Variants in TRPM6 observed in about 807,000 individuals in gnomAD.
The protein encoded by TRPM6 is transient receptor potential cation channel subfamily M member 6.
A neutral mutation model predicts 247.6 loss-of-function variants in TRPM6; 111 were observed. The ratio of observed to expected loss-of-function variants is 0.45; its 90% CI spans 0.38 to 0.52. The LOEUF (loss-of-function observed/expected upper bound fraction) is 0.52, where lower values mean the gene tolerates loss of function less well. Among genes scored for constraint, TRPM6 ranks in the 20% least tolerant of loss-of-function variants. The pLI, the probability that TRPM6 is intolerant of heterozygous loss-of-function variation, is 0.00. For missense variants in TRPM6, 2,126 were observed against 2,421.5 expected (o/e 0.88, Z 2.56); for synonymous variants, 892 against 853.8 (o/e 1.04, Z -0.78).
At chr9:74,756,681 CA>C (rs1217543421) in intron 27 of TRPM6, among the ~76,000 whole-genome samples, 1,739 of 51,698 alleles carry the variant, frequency 0.034, 30 homozygotes, top group African/African-American at 0.096. Context: ...CCCGTCTCTA[CA>C]AAAAAAAAAA....
intron 37 of TRPM6, among the ~76,000 whole-genome samples, chr9:74,732,063 T>C (rs549253474): frequency 1.6e-4 from 25 of 152,268 alleles, no homozygotes; most frequent in Non-Finnish European, 3.4e-4. Context: ...CCTGAGATCC[T>C]TTACTGCCAA....
chr9:74,826,736 C>CTTTTTTTTT (rs561369498), intron 7 of TRPM6: 3 of 52,074 alleles, frequency 5.8e-5, no homozygotes, highest in Non-Finnish European at 1.7e-4. Flanking sequence ...CTTTTTCTTT[C>CTTTTTTTTT]TTTTTTTTTT....
chr9:74,761,670 A>T lies in TRPM6; in HGVS notation c.4785+26T>A, dbSNP rs773785658. ...CCACTACCTTGACTGCTCAAAACCT[A>T]AAAGACAGAATAACAGTACACTTAC... On this transcript the variant is annotated intron_variant, in intron 27 of 38. Transcript: ENST00000360774. The T allele has an allele frequency of 4.4e-5, 65 of 1,466,664 alleles. No individual in the cohort carries two copies. The African/African-American group carries it at 7.2e-4, about 16-fold the overall frequency. The allele number at this position is 1,466,664 out of a possible 1,614,324, so 90.9% of individuals were successfully genotyped here.
At chr9:74,869,094 C>T (rs1299608920) in intron 1 of TRPM6, among the ~76,000 whole-genome samples, 1 of 152,032 alleles carries the variant, frequency 6.6e-6, no homozygotes, top group Non-Finnish European at 1.5e-5. Flanking sequence ...ATTTTGTCCA[C>T]GATGAACAAA....
chr9:74,732,816 T>C, intron 36 of TRPM6, 80 bp from the exon 37 acceptor site: 1 of 1,078,238 alleles, frequency 9.3e-7, no homozygotes, highest in Admixed American at 2.0e-5. Flanking sequence ...AATTAAATTC[T>C]AATTTCTTAA....
intron 2 of TRPM6, among the ~76,000 whole-genome samples, chr9:74,856,457 G>C (rs938668160): frequency 8.4e-5 from 10 of 118,578 alleles, no homozygotes; most frequent in Admixed American, 1.7e-4. Flanking sequence ...GTGTGTGTGT[G>C]TGTGTGTGTC....
At chr9:74,833,655 A>G (rs1829617436) in intron 6 of TRPM6, among the ~76,000 whole-genome samples, 1 of 152,254 alleles carries the variant, frequency 6.6e-6, no homozygotes, top group South Asian at 2.1e-4. Flanking sequence ...GCAATCATTC[A>G]GGCAACAGAT....
chr9:74,800,232 A>G (rs1240725502), intron 17 of TRPM6, 22 bp downstream of exon 17: 1 of 1,599,506 alleles, frequency 6.3e-7, no homozygotes, highest in Admixed American at 1.7e-5. Context: ...TAAACTCCAT[A>G]AGACAAGTAA....
intron 1 of TRPM6, among the ~76,000 whole-genome samples, chr9:74,870,736 C>T (rs931470882): frequency 6.6e-6 from 1 of 152,012 alleles, no homozygotes; most frequent in East Asian, 1.9e-4. Context: ...CAAGCCTGGC[C>T]AACATGGTGA....
intron 28 of TRPM6, among the ~76,000 whole-genome samples, chr9:74,754,315 A>C (rs1826364449): frequency 1.3e-5 from 2 of 152,206 alleles, no homozygotes; most frequent in Admixed American, 1.3e-4. Flanking sequence ...TCAGTGATTT[A>C]ACAGACAACT....
chr9:74,825,481 G>A (rs1456397316), intron 7 of TRPM6, among the ~76,000 whole-genome samples: 1 of 135,780 alleles, frequency 7.4e-6, no homozygotes, highest in Non-Finnish European at 1.6e-5. Flanking sequence ...GTGTGTGTGT[G>A]TGTATGTGTG....
In TRPM6 at chr9:74,797,869, A is replaced by G. The variant is rs182809758; in HGVS notation, c.2239-976T>C. On this transcript the variant is annotated intron_variant, in intron 17 of 38. Coordinates refer to ENST00000360774, the MANE Select transcript of TRPM6 (RefSeq NM_017662.5). ...CTATTACCACATAAAACACATTAAA[A>G]TTAGTTGATATTATAAAATCAAGAA... Among the ~76,000 whole-genome samples, 126 of 152,288 alleles carry G rather than the reference A, an allele frequency of 8.3e-4. 4 individuals carry two copies. The East Asian group carries it at 0.023, about 28-fold the overall frequency.
intron 27 of TRPM6, 99 bp downstream of exon 27, chr9:74,761,597 T>G: frequency 1.3e-6 from 1 of 786,372 alleles, no homozygotes; most frequent in Non-Finnish European, 2.3e-6. Flanking sequence ...ACAATGTTAT[T>G]TTGTGTAGAT....
intron 6 of TRPM6, among the ~76,000 whole-genome samples, chr9:74,832,183 A>T (rs1187934777): frequency 6.6e-6 from 1 of 152,202 alleles, no homozygotes; most frequent in East Asian, 1.9e-4. Flanking sequence ...ACTACAAAAG[A>T]TTAAATCTGG....
intron 3 of TRPM6, among the ~76,000 whole-genome samples, chr9:74,849,230 A>G (rs1272350299): frequency 6.6e-6 from 1 of 152,034 alleles, no homozygotes; most frequent in African/African-American, 2.4e-5. Flanking sequence ...AGGTGCCTGT[A>G]ATCCCAGCTA....
At chr9:74,744,292 C>A (rs1825961951) in intron 31 of TRPM6, 147 bp from the exon 32 acceptor site, 1 of 815,560 alleles carries the variant, frequency 1.2e-6, no homozygotes, top group Non-Finnish European at 2.1e-6. Context: ...TATTTTTTAA[C>A]CACAGTATTG....
At chr9:74,757,892 G>A (rs191708182) in intron 27 of TRPM6, among the ~76,000 whole-genome samples, 10 of 152,164 alleles carry the variant, frequency 6.6e-5, no homozygotes, top group Admixed American at 5.9e-4. Context: ...CAGCCTAGGC[G>A]ACAGAGCAAT....
intron 5 of TRPM6, among the ~76,000 whole-genome samples, chr9:74,839,672 T>C (rs1244634256): frequency 6.6e-6 from 1 of 152,028 alleles, no homozygotes; most frequent in Non-Finnish European, 1.5e-5. Context: ...TAGTATATTC[T>C]GACAATGGTA....
intron 3 of TRPM6, among the ~76,000 whole-genome samples, chr9:74,846,575 C>G (rs866406776): frequency 1.3e-5 from 2 of 152,000 alleles, no homozygotes; most frequent in African/African-American, 4.8e-5. Context: ...CAGAGTCTCT[C>G]TCTCTGTTGC....
Sources: gnomAD v4.1 joint callset for allele counts (sites outside exome capture counted in the v4.1 genomes callset) on GRCh38, gnomAD v4.1.1 for gene constraint, MANE v1.5 for transcripts, NCBI Gene and HGNC (gene_info 2026-07-23, HGNC 2026-07-21) for gene names.